PBX1: variants seen among roughly 807,000 people sequenced by gnomAD.
PBX1 encodes pre-B-cell leukemia transcription factor 1.
PBX1 carries 6 observed loss-of-function variants against 53.4 expected under a neutral mutation model. The observed-to-expected ratio is 0.11, with a 90% CI of 0.06 to 0.22. PBX1 has a LOEUF of 0.22. Ranked by LOEUF, PBX1 falls within the 10% of genes least tolerant of loss-of-function variation. PBX1 has a pLI of 1.00. For synonymous variants in PBX1, 204 were observed against 212.3 expected (o/e 0.96, Z 0.34); for missense variants, 251 against 551.4 (o/e 0.46, Z 5.46).
At chr1:164,799,442 T>G (rs905340129) in intron 3 of PBX1, among the ~76,000 whole-genome samples, 34 of 152,084 alleles carry the variant, frequency 2.2e-4, no homozygotes, top group Admixed American at 2.0e-4. Context: ...AGTGAGCCGA[T>G]ATCGTGCCAC....
At chr1:164,811,959 A>T (rs1669634008) in intron 5 of PBX1, 31 bp from the exon 6 acceptor site, 1 of 1,583,050 alleles carries the variant, frequency 6.3e-7, no homozygotes, top group Admixed American at 1.8e-5. Context: ...ATGAAATGTG[A>T]ACTTTCTCAT....
intron 2 of PBX1, among the ~76,000 whole-genome samples, chr1:164,722,339 C>T (rs563504020): frequency 7.9e-5 from 12 of 152,260 alleles, no homozygotes; most frequent in Admixed American, 2.0e-4. Flanking sequence ...CTGCTGATTA[C>T]TTAGTGGAGA....
Position 164,847,716 on chromosome 1 carries a change from T to A in PBX1, c.*1040T>A. The A allele has an allele frequency of 1.9e-6, 2 of 1,056,218 alleles. No individual in the cohort carries two copies. Among genetic ancestry groups the A allele is most frequent in the East Asian group, 1.0e-4 (2 of 19,078 alleles). The allele number at this position is 1,056,218 out of a possible 1,614,324, so 65.4% of individuals were successfully genotyped here. A position where few individuals can be genotyped will look rare whatever the true frequency, so the allele number is the denominator to read the frequency against. ...TTACCTACATTAATAACTGTAGCAC[T>A]ATGCCTTTTGAGCCCGAGAGAGGGA... On this transcript the variant is annotated 3_prime_UTR_variant, in exon 9 of 9. Transcript: ENST00000420696.
At chr1:164,676,345 C>T (rs1302667983) in intron 2 of PBX1, among the ~76,000 whole-genome samples, 5 of 151,974 alleles carry the variant, frequency 3.3e-5, no homozygotes, top group Non-Finnish European at 7.4e-5. Context: ...AGCTCTCCTA[C>T]TCCTCAAGAT....
At chr1:164,648,099 G>A (rs530562712) in intron 2 of PBX1, among the ~76,000 whole-genome samples, 1 of 152,172 alleles carries the variant, frequency 6.6e-6, no homozygotes, top group South Asian at 2.1e-4. Context: ...GCAGGCGTGA[G>A]CCACCGTGCC....
chr1:164,813,189 A>ATGTC (rs1669706259), intron 6 of PBX1: 2 of 152,204 alleles, frequency 1.3e-5, no homozygotes, highest in Admixed American at 1.3e-4. Flanking sequence ...CCACAGACTG[A>ATGTC]TGTCTTCTGT....
chr1:164,673,389 CTT>C (rs1661219208), intron 2 of PBX1, among the ~76,000 whole-genome samples: 1 of 151,596 alleles, frequency 6.6e-6, no homozygotes, highest in African/African-American at 2.4e-5. Context: ...TGAGTCCAAG[CTT>C]CAGGGGCCAC....
intron 2 of PBX1, among the ~76,000 whole-genome samples, chr1:164,870,257 C>CTTT (rs2102452688): frequency 1.4e-5 from 1 of 73,612 alleles, no homozygotes; most frequent in African/African-American, 5.8e-5. Flanking sequence ...TTCCTTCCTT[C>CTTT]CTTCCTTCCT....
intron 2 of PBX1, among the ~76,000 whole-genome samples, chr1:164,643,044 C>T (rs1469825934): frequency 6.6e-6 from 1 of 152,068 alleles, no homozygotes; most frequent in African/African-American, 2.4e-5. Context: ...TTAATTCTGC[C>T]GTTAATTTTG....
At chr1:164,627,310 C>T (rs1459163225) in intron 2 of PBX1, among the ~76,000 whole-genome samples, 1 of 152,130 alleles carries the variant, frequency 6.6e-6, no homozygotes, top group East Asian at 1.9e-4. Flanking sequence ...GGCACTTTAA[C>T]ACTTCACAAA....
intron 2 of PBX1, chr1:164,700,419 T>G: frequency 2.0e-6 from 2 of 981,628 alleles, no homozygotes; most frequent in Non-Finnish European, 2.4e-6. Flanking sequence ...CATTGGAGAC[T>G]TAAGAGAAGT....
At position 164,848,529 on chromosome 1, in the gene PBX1, G is replaced by A. The variant is rs1053555891; in HGVS notation, c.*1853G>A. Reference sequence around the variant, plus strand: ...AATGGTTTTCTTGTTGTAACTTCTGGTTAATATCAGTACCTTGATGTCATC... The same window carrying A: ...AATGGTTTTCTTGTTGTAACTTCTGATTAATATCAGTACCTTGATGTCATC... On this transcript the variant is annotated 3_prime_UTR_variant, in exon 9 of 9. Transcript: ENST00000420696. 1.9e-6 allele frequency: 2 copies of A among 1,059,204 alleles called. No homozygotes were observed. The highest frequency in any genetic ancestry group is 2.3e-6 in the Non-Finnish European group (2 of 875,572). 65.6% of individuals were successfully genotyped at this position (1,059,204 alleles called of 1,614,324 possible).
rs1012681927 is a variant in PBX1, at chr1:164,668,870, A to G, written c.265+105559A>G. 6.6e-5 allele frequency among the ~76,000 whole-genome samples: 10 copies of G among 152,230 alleles called. No individual in the cohort carries two copies. The South Asian group carries it at 2.1e-3, about 32-fold the overall frequency. On this transcript the variant is annotated intron_variant, in intron 2 of 8. Coordinates refer to ENST00000420696, the MANE Select transcript of PBX1 (RefSeq NM_002585.4). ...AGATTTGCGGAATCTGCGGAGTAAT[A>G]TATTTTAATTAAGGATTAATTAAAA...
intron 2 of PBX1, among the ~76,000 whole-genome samples, chr1:164,712,663 TC>T (rs1663864887): frequency 6.6e-6 from 1 of 151,986 alleles, no homozygotes; most frequent in Non-Finnish European, 1.5e-5. Flanking sequence ...AGGCAGAGGG[TC>T]AGCCCAGCTT....
Position 164,619,623 on chromosome 1 carries a change from T to C in PBX1, c.265+56312T>C, listed in dbSNP as rs111526903. ...GGAGCAGTTCACCTCCCTTGGGTCATGTGTCCCTTTATTTTCTGAGGAAAT... is the reference window on the plus strand; with the variant it reads ...GGAGCAGTTCACCTCCCTTGGGTCACGTGTCCCTTTATTTTCTGAGGAAAT... On this transcript the variant is annotated intron_variant, in intron 2 of 8. Coordinates refer to ENST00000420696, the MANE Select transcript of PBX1 (RefSeq NM_002585.4). Among the ~76,000 whole-genome samples, 1,197 of 152,310 alleles carry C rather than the reference T, an allele frequency of 7.9e-3. 22 individuals carry two copies. The highest frequency in any genetic ancestry group is 0.027 in the African/African-American group (1,132 of 41,564).
chr1:164,875,595 G>A (rs576421053), intron 2 of PBX1, among the ~76,000 whole-genome samples: 1 of 152,202 alleles, frequency 6.6e-6, no homozygotes, highest in African/African-American at 2.4e-5. Flanking sequence ...CACCATGCCT[G>A]GGCCAAAAAT....
rs539842397 is a variant in PBX1, at chr1:164,618,856, C to G, written c.265+55545C>G. On this transcript the variant is annotated intron_variant, in intron 2 of 8. Transcript: ENST00000420696. The stretch of plus-strand genomic sequence containing the variant: ...AAATATAGGTGCCCTGATTAGCCCT[C>G]TATATGGACTTGCGTTGTTCTTCAG... Among the ~76,000 whole-genome samples the G allele has an allele frequency of 5.9e-5, 9 of 152,284 alleles. No individual in the cohort carries two copies. The South Asian group carries it at 1.7e-3, about 28-fold the overall frequency.
intron 2 of PBX1, among the ~76,000 whole-genome samples, chr1:164,656,244 G>T (rs950911173): frequency 1.3e-5 from 2 of 152,168 alleles, no homozygotes; most frequent in Non-Finnish European, 2.9e-5. Flanking sequence ...TAGCCAGGTA[G>T]CTGGATTAAA....
intron 2 of PBX1, among the ~76,000 whole-genome samples, chr1:164,707,716 G>C (rs1425508246): frequency 6.6e-6 from 1 of 152,222 alleles, no homozygotes; most frequent in Non-Finnish European, 1.5e-5. Flanking sequence ...TGGAGGGACA[G>C]TGGGAGGAAG....
Sources: gnomAD v4.1 joint callset for allele counts (sites outside exome capture counted in the v4.1 genomes callset) on GRCh38, gnomAD v4.1.1 for gene constraint, MANE v1.5 for transcripts, NCBI Gene and HGNC (gene_info 2026-07-23, HGNC 2026-07-21) for gene names.